LTA4H: variants seen among roughly 807,000 people sequenced by gnomAD.
The protein encoded by LTA4H is leukotriene A4 hydrolase.
A neutral mutation model predicts 89.8 loss-of-function variants in LTA4H; 59 were observed. That is an observed-to-expected ratio of 0.66 (90% CI 0.53 to 0.82). LTA4H has a LOEUF of 0.82. LTA4H is among the 40% of genes least tolerant of loss of function. The probability of loss-of-function intolerance (pLI) is 0.00; values close to 1 mark genes in which losing one functional copy is unlikely to be tolerated. For missense variants in LTA4H, 617 were observed against 727.0 expected (o/e 0.85, Z 1.74); for synonymous variants, 227 against 253.1 (o/e 0.90, Z 0.98).
upstream of LTA4H, among the ~76,000 whole-genome samples, chr12:96,036,030 G>A (rs1380307086): frequency 1.3e-5 from 2 of 152,222 alleles, no homozygotes; most frequent in Non-Finnish European, 2.9e-5. Context: ...TTCCTCGTTA[G>A]TATAGTGGTG....
intron 3 of LTA4H, among the ~76,000 whole-genome samples, chr12:96,026,256 C>T (rs763876): frequency 0.062 from 9,512 of 152,232 alleles, 368 homozygotes; most frequent in Middle Eastern, 0.13. Flanking sequence ...TAAGGCCAAA[C>T]CCAGGCAAAT....
At chr12:96,019,063 A>T in intron 7 of LTA4H, 105 bp downstream of exon 7, 1 of 1,211,872 alleles carries the variant, frequency 8.3e-7, no homozygotes, top group Non-Finnish European at 1.2e-6. Flanking sequence ...CATAAAAGAC[A>T]ATCTGGTTCT....
At chr12:96,024,410 C>G in intron 4 of LTA4H, 69 bp downstream of exon 4, 1 of 903,526 alleles carries the variant, frequency 1.1e-6, no homozygotes, top group South Asian at 1.5e-5. Context: ...ATTATCATCT[C>G]TGCTTATCAT....
At chr12:96,036,917 A>G (rs905839838), upstream of LTA4H, among the ~76,000 whole-genome samples, 1 of 152,202 alleles carries the variant, frequency 6.6e-6, no homozygotes, top group Non-Finnish European at 1.5e-5. Context: ...GCAGGCCTCT[A>G]CATGGCCCGA....
intron 1 of LTA4H, 87 bp from the exon 2 acceptor site, chr12:96,029,272 C>A: frequency 1.5e-6 from 1 of 670,248 alleles, no homozygotes; most frequent in Non-Finnish European, 2.4e-6. Flanking sequence ...CAACTAGTTG[C>A]TTATGGAGAG....
intron 15 of LTA4H, 83 bp from the exon 16 acceptor site, chr12:96,006,492 T>A: frequency 1.4e-6 from 1 of 719,958 alleles, no homozygotes; most frequent in East Asian, 2.7e-5. Flanking sequence ...AAGTAAAAAT[T>A]GAGAAAAAGA....
At chr12:96,043,457 G>A in exon 1 of LTA4H, 1 of 883,444 alleles carries the variant, frequency 1.1e-6, no homozygotes, top group Non-Finnish European at 1.8e-6. Context: ...CTCTTCCCTT[G>A]TTGCTTTAAA....
intron 14 of LTA4H, chr12:96,012,135 C>T (rs537251461): frequency 6.6e-6 from 1 of 152,318 alleles, no homozygotes; most frequent in South Asian, 2.1e-4. Context: ...CTCAGAACTC[C>T]CAGTAACTTC....
At chr12:96,009,174 TA>T in intron 14 of LTA4H, 26 bp from the exon 15 acceptor site, 1 of 1,522,458 alleles carries the variant, frequency 6.6e-7, no homozygotes, top group Non-Finnish European at 9.1e-7. Context: ...TTACATTGTT[TA>T]AAAATGCACG....
upstream of LTA4H, among the ~76,000 whole-genome samples, chr12:96,036,104 G>A (rs1022419520): frequency 5.4e-5 from 8 of 149,394 alleles, no homozygotes; most frequent in Non-Finnish European, 1.2e-4. Flanking sequence ...CACAGTAATT[G>A]TTTTTTGTTT....
At position 96,022,500 on chromosome 12, in the gene LTA4H, T is replaced by G. The variant is rs986158368; in HGVS notation, c.481-249A>C. Among the ~76,000 whole-genome samples, 3 of 151,896 alleles carry G rather than the reference T, an allele frequency of 2.0e-5. No homozygotes were observed. The highest frequency in any genetic ancestry group is 1.5e-5 in the Non-Finnish European group (1 of 67,912). On this transcript the variant is annotated intron_variant, in intron 4 of 18. Coordinates refer to ENST00000228740, the MANE Select transcript of LTA4H (RefSeq NM_000895.3). The surrounding 1 kb of genome is among the most constrained non-coding windows in gnomAD (Gnocchi z 4.0). ...ATATAAAACACATATACAAAAAGTA[T>G]ATATATACACATATACATATCAGTT...
chr12:96,013,969 G>C, intron 12 of LTA4H, 116 bp from the exon 13 acceptor site: 1 of 567,316 alleles, frequency 1.8e-6, no homozygotes, highest in East Asian at 3.1e-5. Flanking sequence ...CAGAGAATAG[G>C]GAAATCTACG....
At position 96,024,557 on chromosome 12, in the gene LTA4H, G is replaced by C; in HGVS notation, c.412-10C>G. On this transcript the variant is annotated splice_polypyrimidine_tract_variant and intron_variant, in intron 3 of 18. Coordinates refer to ENST00000228740, the MANE Select transcript of LTA4H (RefSeq NM_000895.3). ...CTCTGCAGTGGATGGCCTGAAAAAG[G>C]GAGAAACAAGAAGAAATAGCTATTT... 1.3e-6 allele frequency: 2 copies of C among 1,581,614 alleles called. No homozygotes were observed. The highest frequency in any genetic ancestry group is 1.7e-6 in the Non-Finnish European group (2 of 1,151,386).
At chr12:96,010,099 A>G (rs1950274796) in intron 14 of LTA4H, 1 of 152,232 alleles carries the variant, frequency 6.6e-6, no homozygotes, top group Non-Finnish European at 1.5e-5. Flanking sequence ...GACTGATCAG[A>G]ATACACTGCT....
chr12:96,014,876 C>G lies in LTA4H; in HGVS notation c.1183G>C (p.Glu395Gln). The change falls in exon 12 of 19, where the codon GAA (glutamate) becomes CAA (glutamine). Residue 395 changes from glutamate to glutamine, a missense_variant. By Grantham distance (29) the Glu-to-Gln change is conservative. Coordinates refer to ENST00000228740, the MANE Select transcript of LTA4H (RefSeq NM_000895.3). ...TTACCTGGTCCTCCAAGCAGTTGTT[C>G]AAGGTAAAAAAGTAAAGCAAAGCCC... ...EKGFALLFYL[E>Q]QLLGGPEIFL... 1.2e-6 allele frequency: 2 copies of G among 1,612,380 alleles called. No individual in the cohort carries two copies. Among genetic ancestry groups the G allele is most frequent in the Non-Finnish European group, 1.7e-6 (2 of 1,179,380 alleles).
chr12:96,020,978 G>C lies in LTA4H; in HGVS notation c.638+107C>G, dbSNP rs758298922. On this transcript the variant is annotated intron_variant, in intron 6 of 18. Coordinates refer to ENST00000228740, the MANE Select transcript of LTA4H (RefSeq NM_000895.3). ...TGAATTTTTCTAGAGCTGTCAGCTT[G>C]ATATCTTGAGAAATATGCAAATGAT... 4 of 815,778 alleles carry C rather than the reference G, an allele frequency of 4.9e-6. No homozygotes were observed. The African/African-American group carries it at 5.4e-5, about 11-fold the overall frequency. The allele number at this position is 815,778 out of a possible 1,614,324, so 50.5% of individuals were successfully genotyped here. A position where few individuals can be genotyped will look rare whatever the true frequency, so the allele number is the denominator to read the frequency against.
intron 3 of LTA4H, among the ~76,000 whole-genome samples, chr12:96,026,408 A>T (rs1285864365): frequency 6.6e-6 from 1 of 152,234 alleles, no homozygotes; most frequent in Non-Finnish European, 1.5e-5. Flanking sequence ...GGAATAATAT[A>T]TTCAAAATTA....
chr12:96,037,986 G>C (rs945625917), upstream of LTA4H, among the ~76,000 whole-genome samples: 1 of 152,222 alleles, frequency 6.6e-6, no homozygotes, highest in East Asian at 1.9e-4. Flanking sequence ...CACCGCGCCC[G>C]GCCGAGAAAG....
At chr12:96,014,765 A>C in intron 12 of LTA4H, 90 bp downstream of exon 12, 4 of 1,241,852 alleles carry the variant, frequency 3.2e-6, no homozygotes, top group Non-Finnish European at 4.5e-6. Context: ...TGGAAGTATT[A>C]AATGGAACAA....
Sources: gnomAD v4.1 joint callset for allele counts (sites outside exome capture counted in the v4.1 genomes callset) on GRCh38, gnomAD v4.1.1 for gene constraint, Gnocchi (gnomAD v3.1) non-coding constraint, MANE v1.5 for transcripts, NCBI Gene and HGNC (gene_info 2026-07-23, HGNC 2026-07-21) for gene names.